The following FRMD7 variants were observed in gnomAD, a reference collection of about 807,000 sequenced individuals.
The protein encoded by FRMD7 is FERM domain-containing protein 7.
FRMD7 carries 14 observed loss-of-function variants against 44.1 expected under a neutral mutation model. The observed-to-expected ratio is 0.32, with a 90% CI of 0.21 to 0.50. The LOEUF is 0.50. Among genes scored for constraint, FRMD7 ranks in the 20% least tolerant of loss-of-function variants. The pLI, the probability that FRMD7 is intolerant of heterozygous loss-of-function variation, is 0.99. For missense variants in FRMD7, 501 were observed against 522.3 expected (o/e 0.96, Z 0.40); for synonymous variants, 212 against 187.4 (o/e 1.13, Z -1.07).
rs181928938 is a variant in FRMD7 at position 132,111,280 on chromosome X, G to A, written c.58-10564C>T. On this transcript the variant is annotated intron_variant, in intron 1 of 11. Coordinates refer to ENST00000298542, the MANE Select transcript of FRMD7 (RefSeq NM_194277.3). ...TTTTATCTATTTATTTACTTATTTT[G>A]AGACTGAGTTATAAGACTGGCTAAT... Among the ~76,000 whole-genome samples the A allele has an allele frequency of 6.3e-5, 7 of 110,450 alleles. No individual in the cohort carries two copies. In the East Asian group the frequency reaches 2.0e-3, roughly 31 times the overall value.
intron 7 of FRMD7, among the ~76,000 whole-genome samples, chrX:132,084,800 T>C (rs1049963214): frequency 1.6e-4 from 18 of 111,487 alleles, no homozygotes; most frequent in African/African-American, 5.9e-4. Context: ...AGAAGGGGTA[T>C]GCCTAGGGAA....
chrX:132,127,620 GA>G (rs780490275), intron 1 of FRMD7, among the ~76,000 whole-genome samples, 167 bp downstream of exon 1: 1 of 112,485 alleles, frequency 8.9e-6, no homozygotes, highest in East Asian at 2.8e-4. Context: ...GGAAAAATAT[GA>G]ACTACATTGT....
chrX:132,121,583 C>T lies in FRMD7; in HGVS notation c.57+6205G>A, dbSNP rs140398125. Among the ~76,000 whole-genome samples the T allele has an allele frequency of 2.4e-4, 24 of 100,925 alleles. No individual in the cohort carries two copies. In the East Asian group the frequency reaches 4.9e-3, roughly 21 times the overall value. 87.6% of individuals were successfully genotyped at this position (100,925 alleles called of 115,157 possible). On this transcript the variant is annotated intron_variant, in intron 1 of 11. Coordinates refer to ENST00000298542, the MANE Select transcript of FRMD7 (RefSeq NM_194277.3). ...TATGGAGCAGGTACTAATATTATCC[C>T]CATTTTATAGATTAAAAAAAAAAAC...
At chrX:132,124,519 T>A (rs1406811336) in intron 1 of FRMD7, among the ~76,000 whole-genome samples, 1 of 111,757 alleles carries the variant, frequency 8.9e-6, no homozygotes, top group Non-Finnish European at 1.9e-5. Context: ...CCATAACCTA[T>A]CCTGCACCCC....
At chrX:132,112,879 C>T (rs1928812965) in intron 1 of FRMD7, among the ~76,000 whole-genome samples, 1 of 111,549 alleles carries the variant, frequency 9.0e-6, no homozygotes, top group Non-Finnish European at 1.9e-5. Context: ...TTGCCTGAGG[C>T]CTTATGCAGG....
Position 132,078,157 on chromosome X carries a change from T to C in FRMD7, c.1860A>G (p.Ala620=). The change falls in exon 12 of 12, where the codon GCA becomes GCG. Residue 620 remains alanine, a synonymous_variant. Coordinates refer to ENST00000298542, the MANE Select transcript of FRMD7 (RefSeq NM_194277.3). ...LGPCPALSHK[A]DLFTDMFAEQ... The stretch of plus-strand genomic sequence containing the variant: ...CTGCAAACATATCCGTAAACAGGTC[T>C]GCTTTATGACTGAGAGCAGGACAAG... 1 of 1,211,684 alleles carries C rather than the reference T, an allele frequency of 8.3e-7. No individual in the cohort carries two copies. The highest frequency in any genetic ancestry group is 1.1e-6 in the Non-Finnish European group (1 of 895,209).
chrX:132,111,344 C>T (rs1041094862), intron 1 of FRMD7, among the ~76,000 whole-genome samples: 1 of 111,002 alleles, frequency 9.0e-6, no homozygotes, highest in Non-Finnish European at 1.9e-5. Context: ...CACCATGTTG[C>T]CCAGGCTGGT....
At chrX:132,103,118 A>G (rs1195240936) in intron 1 of FRMD7, among the ~76,000 whole-genome samples, 2 of 111,804 alleles carry the variant, frequency 1.8e-5, no homozygotes, top group African/African-American at 6.5e-5. Context: ...AGTCCTCCAT[A>G]GTGTACGTTG....
intron 7 of FRMD7, 96 bp from the exon 8 acceptor site, chrX:132,084,681 A>C: frequency 3.7e-6 from 2 of 540,540 alleles, no homozygotes; most frequent in Non-Finnish European, 6.7e-6. Context: ...AATGAGAGGG[A>C]CCGCCCTTGA....
rs746212842 is a variant in FRMD7 at position 132,092,850 on chromosome X, A to G, written c.382+1192T>C. Among the ~76,000 whole-genome samples the G allele has an allele frequency of 1.8e-5, 2 of 111,710 alleles. 1 individual carries two copies. The highest frequency in any genetic ancestry group is 7.6e-4 in the South Asian group (2 of 2,636). On this transcript the variant is annotated intron_variant, in intron 5 of 11. Transcript: ENST00000298542. Reference sequence around the variant, plus strand: ...GGACATGACGGTTAGTGTCCTCGGCATTCAAGACCCTTCAAAATGGTGCAT... The same window carrying G: ...GGACATGACGGTTAGTGTCCTCGGCGTTCAAGACCCTTCAAAATGGTGCAT...
chrX:132,126,844 T>C (rs2747022), intron 1 of FRMD7, among the ~76,000 whole-genome samples: 46,046 of 110,820 alleles, frequency 0.42, 8,831 homozygotes, highest in African/African-American at 0.75. Context: ...AAACAGCAGA[T>C]GAAGACATGA....
chrX:132,089,814 A>G (rs1247517664), intron 5 of FRMD7, among the ~76,000 whole-genome samples: 1 of 112,208 alleles, frequency 8.9e-6, no homozygotes, highest in African/African-American at 3.2e-5. Context: ...GGTCATAATC[A>G]AAAAGATATA....
chrX:132,084,309 T>C (rs1308025335), intron 8 of FRMD7, among the ~76,000 whole-genome samples, 181 bp downstream of exon 8: 2 of 111,931 alleles, frequency 1.8e-5, no homozygotes, highest in African/African-American at 3.2e-5. Context: ...GATTTCTTAG[T>C]GTTTTGCCTT....
chrX:132,106,437 A>G (rs1928649153), intron 1 of FRMD7, among the ~76,000 whole-genome samples: 1 of 112,251 alleles, frequency 8.9e-6, no homozygotes, highest in Non-Finnish European at 1.9e-5. Context: ...AGTGTAAATT[A>G]GTTCAACCAT....
intron 1 of FRMD7, among the ~76,000 whole-genome samples, chrX:132,111,099 G>A (rs953023315): frequency 9.0e-6 from 1 of 111,454 alleles, no homozygotes; most frequent in Non-Finnish European, 1.9e-5. Context: ...TGGGAGCCCA[G>A]GAGTTCAACT....
At chrX:132,111,440 C>G (rs1007210472) in intron 1 of FRMD7, among the ~76,000 whole-genome samples, 2 of 111,302 alleles carry the variant, frequency 1.8e-5, no homozygotes, top group Non-Finnish European at 3.8e-5. Context: ...GTCTGGCCAA[C>G]CATCTGGTAT....
intron 1 of FRMD7, among the ~76,000 whole-genome samples, chrX:132,117,147 A>G (rs142129391): frequency 2.6e-3 from 295 of 112,541 alleles, no homozygotes; most frequent in African/African-American, 8.9e-3. Context: ...CTGTTGATAT[A>G]TATTAGCTAT....
At chrX:132,079,475 C>T (rs1602791462) in intron 11 of FRMD7, among the ~76,000 whole-genome samples, 1 of 111,931 alleles carries the variant, frequency 8.9e-6, no homozygotes, top group Non-Finnish European at 1.9e-5. Flanking sequence ...GACTTGAAGG[C>T]ATGAGGGTTT....
chrX:132,087,525 T>C (rs1928030736), intron 5 of FRMD7, among the ~76,000 whole-genome samples: 1 of 111,802 alleles, frequency 8.9e-6, no homozygotes, highest in Non-Finnish European at 1.9e-5. Context: ...AAGAAATGGC[T>C]CATTGATTAA....
Sources: allele counts gnomAD v4.1 joint callset (sites outside exome capture counted in the v4.1 genomes callset), GRCh38; gene constraint gnomAD v4.1.1; transcripts MANE v1.5; gene names NCBI Gene and HGNC (gene_info 2026-07-23, HGNC 2026-07-21).